LMCD1: variants seen among roughly 807,000 people sequenced by gnomAD.
The protein encoded by LMCD1 is LIM and cysteine rich domains 1.
Under a neutral mutation model 42.7 loss-of-function variants are expected in LMCD1, and 32 were observed. The ratio of observed to expected loss-of-function variants is 0.75; its 90% CI spans 0.57 to 1.01. The LOEUF (loss-of-function observed/expected upper bound fraction) is 1.01, where lower values mean the gene tolerates loss of function less well. LMCD1 is among the 50% of genes least tolerant of loss of function. LMCD1 has a pLI of 0.00. For synonymous variants in LMCD1, 178 were observed against 184.9 expected, an observed-to-expected ratio of 0.96 and a Z score of 0.30; for missense variants, 458 against 483.1, an observed-to-expected ratio of 0.95 and a Z score of 0.49.
intron 1 of LMCD1, among the ~76,000 whole-genome samples, chr3:8,512,560 T>C (rs542339288): frequency 6.6e-6 from 1 of 152,190 alleles, no homozygotes; most frequent in Non-Finnish European, 1.5e-5. Context: ...AAGCTTTGTT[T>C]CCTCTAATCT....
At chr3:8,551,567 T>C (rs1012248803) in intron 4 of LMCD1, among the ~76,000 whole-genome samples, 9 of 152,224 alleles carry the variant, frequency 5.9e-5, no homozygotes, top group African/African-American at 2.2e-4. Context: ...TGCTAAGTTG[T>C]AAAACCCGGC....
intron 1 of LMCD1, chr3:8,515,142 G>C (rs145473176): frequency 5.8e-4 from 225 of 387,618 alleles, no homozygotes; most frequent in Non-Finnish European, 1.1e-3. Context: ...GAGGTGTCAC[G>C]TTAGGGGAGA....
intron 1 of LMCD1, among the ~76,000 whole-genome samples, chr3:8,504,065 A>G (rs1057343307): frequency 6.6e-6 from 1 of 152,198 alleles, no homozygotes; most frequent in African/African-American, 2.4e-5. Flanking sequence ...TTTAGATCCA[A>G]TTACAGGCTT....
intron 4 of LMCD1, among the ~76,000 whole-genome samples, chr3:8,564,994 A>C (rs561231521): frequency 6.6e-6 from 1 of 152,338 alleles, no homozygotes; most frequent in South Asian, 2.1e-4. Context: ...TTTTGTTTTG[A>C]AACATATAGT....
intron 1 of LMCD1, among the ~76,000 whole-genome samples, chr3:8,514,318 G>C (rs897591223): frequency 6.6e-6 from 1 of 152,126 alleles, no homozygotes; most frequent in African/African-American, 2.4e-5. Flanking sequence ...ATGAGACAGT[G>C]TCACATACCC....
Position 8,547,849 on chromosome 3 carries a change from G to A in LMCD1, c.388-719G>A, listed in dbSNP as rs188712750. ...TGCAGTGAGCCGAGATCACACCACC[G>A]CACTCCAGCCTGGGCAACAGAGCGA... On this transcript the variant is annotated intron_variant, in intron 3 of 5. Coordinates refer to ENST00000157600, the MANE Select transcript of LMCD1 (RefSeq NM_014583.4). Among the ~76,000 whole-genome samples the A allele has an allele frequency of 9.3e-3, 1,419 of 151,868 alleles. 7 individuals carry two copies. Among genetic ancestry groups the A allele is most frequent in the Middle Eastern group, 0.017 (5 of 294 alleles).
chr3:8,563,443 A>G (rs545825122), intron 4 of LMCD1, among the ~76,000 whole-genome samples: 2 of 152,368 alleles, frequency 1.3e-5, no homozygotes, highest in Non-Finnish European at 2.9e-5. Context: ...TGGGGAATTT[A>G]TGTGTGCGGG....
At chr3:8,541,144 T>G (rs188050993) in intron 3 of LMCD1, among the ~76,000 whole-genome samples, 1 of 152,264 alleles carries the variant, frequency 6.6e-6, no homozygotes, top group Non-Finnish European at 1.5e-5. Context: ...AGGAGTGCCT[T>G]CCCTTCCACT....
intron 4 of LMCD1, chr3:8,551,208 G>A: frequency 8.1e-6 from 8 of 984,902 alleles, no homozygotes; most frequent in Non-Finnish European, 9.6e-6. Context: ...AGATGCTGAG[G>A]TCTTGTTCAT....
At chr3:8,564,839 A>G (rs1057105401) in intron 4 of LMCD1, among the ~76,000 whole-genome samples, 1 of 152,218 alleles carries the variant, frequency 6.6e-6, no homozygotes, top group African/African-American at 2.4e-5. Context: ...GTGTGAGTTC[A>G]GATTTTCTTC....
chr3:8,523,384 C>T (rs1342949136), intron 1 of LMCD1, among the ~76,000 whole-genome samples: 2 of 152,212 alleles, frequency 1.3e-5, no homozygotes, highest in Non-Finnish European at 2.9e-5. Flanking sequence ...CACAAGCACA[C>T]ACAGCTCCCT....
rs62242267 is a variant in LMCD1, at chr3:8,543,432, T to C, written c.388-5136T>C. On this transcript the variant is annotated intron_variant, in intron 3 of 5. Coordinates refer to ENST00000157600, the MANE Select transcript of LMCD1 (RefSeq NM_014583.4). ...ATAGATAGATAGATAGATAGATAGA[T>C]AGATAGATAGACAGACAGACAGAGA... is the stretch of plus-strand genomic sequence containing the variant. 6.9e-5 allele frequency among the ~76,000 whole-genome samples: 9 copies of C among 131,294 alleles called. 2 individuals carry two copies. The highest frequency in any genetic ancestry group is 1.7e-4 in the African/African-American group (6 of 34,286). The allele number at this position is 131,294 out of a possible 152,430, so 86.1% of individuals were successfully genotyped here.
chr3:8,532,846 G>C (rs752101340), intron 2 of LMCD1, 21 bp downstream of exon 2: 1 of 1,599,936 alleles, frequency 6.3e-7, no homozygotes, highest in Admixed American at 1.7e-5. Context: ...TTGTCAGGAG[G>C]GTCCCTGTCT....
At position 8,511,902 on chromosome 3, in the gene LMCD1, A is replaced by G. The variant is rs539653332; in HGVS notation, c.42+9922A>G. ...CTCCCAAGCCCTGCAATGGAGTTCC[A>G]GCAAACTCCCCCAAGTTGAGTTTGA... On this transcript the variant is annotated intron_variant, in intron 1 of 5. Coordinates refer to ENST00000157600, the MANE Select transcript of LMCD1 (RefSeq NM_014583.4). 1.2e-4 allele frequency among the ~76,000 whole-genome samples: 19 copies of G among 152,344 alleles called. No individual in the cohort carries two copies. The Middle Eastern group carries it at 0.017, about 136-fold the overall frequency.
Position 8,548,723 on chromosome 3 carries a change from G to C in LMCD1, c.543G>C (p.Leu181=), listed in dbSNP as rs1318328633. 3 of 1,614,072 alleles carry C rather than the reference G, an allele frequency of 1.9e-6. No homozygotes were observed. In the African/African-American group the frequency reaches 4.0e-5, roughly 22 times the overall value. The change falls in exon 4 of 6, where the codon CTG becomes CTC. Residue 181 remains leucine, a synonymous_variant. Coordinates refer to ENST00000157600, the MANE Select transcript of LMCD1 (RefSeq NM_014583.4). ...CRGLLENELK[L]MEEFVKQYKS... is the part of the protein sequence containing the mutation. ...GACTTTTGGAGAATGAGTTGAAACT[G>C]ATGGAAGAATTTGTCAAGCAATATA... is the stretch of plus-strand genomic sequence containing the variant.
intron 1 of LMCD1, among the ~76,000 whole-genome samples, chr3:8,531,639 T>C (rs1694413208): frequency 6.6e-6 from 1 of 152,204 alleles, no homozygotes; most frequent in African/African-American, 2.4e-5. Context: ...AACATGCAGC[T>C]TCCTTTACCT....
intron 3 of LMCD1, among the ~76,000 whole-genome samples, chr3:8,542,832 C>T (rs1338346777): frequency 6.6e-6 from 1 of 152,168 alleles, no homozygotes; most frequent in Non-Finnish European, 1.5e-5. Flanking sequence ...TTAGTACCTT[C>T]CTCCTAGGGT....
rs200225980 is a variant in LMCD1, at chr3:8,565,576, A to C, written c.868A>C (p.Lys290Gln). The C allele has an allele frequency of 1.9e-6, 3 of 1,613,718 alleles. No individual in the cohort carries two copies. The Admixed American group carries it at 5.0e-5, about 27-fold the overall frequency. ...GCTGGTGGACCTCATCTACTTCTGG[A>C]AGGATGGTGCACCCTGGTGCGGCCG... is the stretch of plus-strand genomic sequence containing the variant. ...EPLVDLIYFW[K>Q]DGAPWCGRHY... The change falls in exon 5 of 6, where the codon AAG (lysine) becomes CAG (glutamine). Residue 290 changes from lysine (K) to glutamine (Q), a missense_variant. Coordinates refer to ENST00000157600, the MANE Select transcript of LMCD1 (RefSeq NM_014583.4).
In LMCD1 at chr3:8,551,359, A is replaced by C. The variant is rs569746074; in HGVS notation, c.723+2456A>C. 6.1e-6 allele frequency: 6 copies of C among 984,972 alleles called. No homozygotes were observed. The South Asian group carries it at 2.4e-4, about 39-fold the overall frequency. 61.0% of individuals were successfully genotyped at this position (984,972 alleles called of 1,614,324 possible). A position where few individuals can be genotyped will look rare whatever the true frequency, so the allele number is the denominator to read the frequency against. ...GCGGACGGTGCGATTCCAGTTCCAC[A>C]TTTATTAAGCCCCTGCTCTGTGCCA... On this transcript the variant is annotated intron_variant, in intron 4 of 5. Coordinates refer to ENST00000157600, the MANE Select transcript of LMCD1 (RefSeq NM_014583.4).
Sources: allele counts gnomAD v4.1 joint callset (sites outside exome capture counted in the v4.1 genomes callset), GRCh38; gene constraint gnomAD v4.1.1; transcripts MANE v1.5; gene names NCBI Gene and HGNC (gene_info 2026-07-23, HGNC 2026-07-21).